Variants in C11orf65 observed in about 807,000 individuals in gnomAD.
C11orf65 encodes the protein protein MFI.
C11orf65 carries 38 observed loss-of-function variants against 35.3 expected under a neutral mutation model. That is an observed-to-expected ratio of 1.08 (90% CI 0.83 to 1.41). The LOEUF (loss-of-function observed/expected upper bound fraction) is 1.41, where lower values mean the gene tolerates loss of function less well. C11orf65 is among the 40% of genes most tolerant of loss of function. C11orf65 has a pLI of 0.00. For missense variants in C11orf65, 370 were observed against 367.1 expected (o/e 1.01, Z -0.06); for synonymous variants, 105 against 114.4 (o/e 0.92, Z 0.53).
intron 2 of C11orf65, among the ~76,000 whole-genome samples, chr11:108,350,049 C>T (rs1254119678): frequency 6.6e-6 from 1 of 151,932 alleles, no homozygotes; most frequent in Admixed American, 6.6e-5. Flanking sequence ...TGGTAACTGG[C>T]CTTAAAAGAA....
intron 6 of C11orf65, among the ~76,000 whole-genome samples, chr11:108,404,586 C>CTT (rs71047693): frequency 0.51 from 69,779 of 136,456 alleles, 18,462 homozygotes; most frequent in Middle Eastern, 0.73. Context: ...TTTTTCTTTT[C>CTT]TTTTTTTTTT....
intron 6 of C11orf65, among the ~76,000 whole-genome samples, chr11:108,403,420 G>GTTTTTTTTTTT (rs869122131): frequency 2.5e-5 from 3 of 119,710 alleles, no homozygotes; most frequent in Non-Finnish European, 4.8e-5. Flanking sequence ...TTTTTTTTTT[G>GTTTTTTTTTTT]TTTTTTTTTT....
At chr11:108,326,785 A>G (rs2085722846), downstream of C11orf65, among the ~76,000 whole-genome samples, 1 of 152,188 alleles carries the variant, frequency 6.6e-6, no homozygotes, top group Non-Finnish European at 1.5e-5. Flanking sequence ...ACAGACATGT[A>G]CCTGCTTAGT....
exon 7 of C11orf65, chr11:108,308,958 A>T (rs548184727): frequency 6.8e-7 from 1 of 1,481,370 alleles, no homozygotes; most frequent in East Asian, 2.5e-5. Flanking sequence ...CCTTTGAGTC[A>T]TTCATTTCAG....
intron 2 of C11orf65, among the ~76,000 whole-genome samples, chr11:108,438,428 G>A (rs895743817): frequency 1.3e-5 from 2 of 151,796 alleles, no homozygotes; most frequent in Non-Finnish European, 2.9e-5. Context: ...GCGCACTCCT[G>A]TAGTCCCAGC....
At chr11:108,425,293 C>T (rs1355439877) in intron 3 of C11orf65, among the ~76,000 whole-genome samples, 1 of 151,942 alleles carries the variant, frequency 6.6e-6, no homozygotes, top group African/African-American at 2.4e-5. Flanking sequence ...CAAATAGATA[C>T]AATAAAAAAT....
At chr11:108,420,713 T>C (rs1432117397) in intron 3 of C11orf65, among the ~76,000 whole-genome samples, 2 of 152,156 alleles carry the variant, frequency 1.3e-5, no homozygotes, top group African/African-American at 4.8e-5. Context: ...TGATACCAGT[T>C]TTCCTCAAAT....
intron 2 of C11orf65, among the ~76,000 whole-genome samples, chr11:108,450,964 A>T (rs2093340053): frequency 6.6e-6 from 1 of 151,940 alleles, no homozygotes; most frequent in Admixed American, 6.6e-5. Context: ...ACAGCTCTTC[A>T]TGCTAAAAAC....
At chr11:108,461,230 C>T (rs916706979) in intron 2 of C11orf65, among the ~76,000 whole-genome samples, 1 of 151,992 alleles carries the variant, frequency 6.6e-6, no homozygotes, top group Middle Eastern at 3.2e-3. Flanking sequence ...GGTGAAACCC[C>T]GTCTCTACTA....
chr11:108,377,843 AAACAG>A (rs2091769329), downstream of C11orf65, among the ~76,000 whole-genome samples: 1 of 151,990 alleles, frequency 6.6e-6, no homozygotes, highest in South Asian at 2.1e-4. Flanking sequence ...AATAACAGAC[AAACAG>A]AGAGCCAAAT....
chr11:108,411,444 A>G (rs985826464), intron 3 of C11orf65, among the ~76,000 whole-genome samples: 6 of 152,300 alleles, frequency 3.9e-5, no homozygotes, highest in Non-Finnish European at 5.9e-5. Context: ...CTTTTGCAAA[A>G]CTGTAGACAT....
chr11:108,339,670 T>A (rs2087277556), intron 2 of C11orf65, among the ~76,000 whole-genome samples: 1 of 152,102 alleles, frequency 6.6e-6, no homozygotes, highest in African/African-American at 2.4e-5. Context: ...GACTCTAAGC[T>A]GAGGTAGAAA....
intron 2 of C11orf65, among the ~76,000 whole-genome samples, chr11:108,369,832 C>T (rs1403321405): frequency 1.3e-5 from 2 of 152,142 alleles, no homozygotes; most frequent in African/African-American, 4.8e-5. Flanking sequence ...TATCATGTCT[C>T]ATTTTAATTT....
At chr11:108,403,912 A>C (rs1389176777) in intron 6 of C11orf65, among the ~76,000 whole-genome samples, 2 of 152,168 alleles carry the variant, frequency 1.3e-5, no homozygotes, top group African/African-American at 2.4e-5. Flanking sequence ...ACTGATTCCA[A>C]GGAATGAGTC....
intron 5 of C11orf65, among the ~76,000 whole-genome samples, chr11:108,406,449 T>C (rs2092542484): frequency 6.6e-6 from 1 of 152,158 alleles, no homozygotes; most frequent in Admixed American, 6.6e-5. Context: ...TCATACTTAG[T>C]GTTAATATAT....
chr11:108,374,424 G>GGTCCT (rs1429202171), intron 2 of C11orf65, among the ~76,000 whole-genome samples: 1 of 152,014 alleles, frequency 6.6e-6, no homozygotes, highest in Non-Finnish European at 1.5e-5. Flanking sequence ...TGCAGCTGAG[G>GGTCCT]GTCCTGTCTG....
intron 2 of C11orf65, among the ~76,000 whole-genome samples, chr11:108,444,002 A>C (rs1392065404): frequency 6.6e-6 from 1 of 152,172 alleles, no homozygotes; most frequent in Non-Finnish European, 1.5e-5. Flanking sequence ...AGACACAAAA[A>C]ACCCTTCAAA....
chr11:108,443,348 A>G (rs1427019306), intron 2 of C11orf65, among the ~76,000 whole-genome samples: 1 of 152,202 alleles, frequency 6.6e-6, no homozygotes, highest in African/African-American at 2.4e-5. Context: ...ACCTACAAAG[A>G]GACTTAGACT....
chr11:108,315,209 A>C (rs1322901941), intron 6 of C11orf65, among the ~76,000 whole-genome samples: 1 of 152,242 alleles, frequency 6.6e-6, no homozygotes, highest in East Asian at 1.9e-4. Flanking sequence ...CTCACAACAC[A>C]ATAATGCTTA....
Sources: gnomAD v4.1 joint callset for allele counts (sites outside exome capture counted in the v4.1 genomes callset) on GRCh38, gnomAD v4.1.1 for gene constraint, MANE v1.5 for transcripts, NCBI Gene and HGNC (gene_info 2026-07-23, HGNC 2026-07-21) for gene names.